TECRL: variants seen among roughly 807,000 people sequenced by gnomAD.
TECRL encodes trans-2,3-enoyl-CoA reductase-like.
Under a neutral mutation model 52.8 loss-of-function variants are expected in TECRL, and 63 were observed. The ratio of observed to expected loss-of-function variants is 1.19; its 90% CI spans 0.97 to 1.47. The LOEUF (loss-of-function observed/expected upper bound fraction) is 1.47, where lower values mean the gene tolerates loss of function less well. Ranked by LOEUF, TECRL falls within the 40% of genes most tolerant of loss-of-function variation. TECRL has a pLI of 0.00. For synonymous variants in TECRL, 164 were observed against 141.9 expected, an observed-to-expected ratio of 1.16 and a Z score of -1.10; for missense variants, 482 against 429.6, an observed-to-expected ratio of 1.12 and a Z score of -1.08.
downstream of TECRL, chr4:64,276,385 G>T (rs1352850849): frequency 1.3e-5 from 2 of 151,710 alleles, no homozygotes; most frequent in Non-Finnish European, 3.0e-5. Flanking sequence ...ATTAAAGACA[G>T]CATATTACTT....
Position 64,305,174 on chromosome 4 carries a change from G to A in TECRL, c.722C>T (p.Thr241Ile), listed in dbSNP as rs148333637. The change falls in exon 7 of 12, where the codon ACA becomes ATA. Residue 241 changes from threonine to isoleucine, a missense_variant. Physicochemically the swap from Thr to Ile is moderately conservative, Grantham distance 89 (BLOSUM62 -1). Transcript: ENST00000381210. ...IAYYINHPLY[T>I]PPSFGNRQIT... ...GAAGAAACCCTACATACATGGTGGT[G>A]TATATAGTGGATGATTAATGTAGTA... The A allele has an allele frequency of 4.6e-5, 74 of 1,611,856 alleles. No individual in the cohort carries two copies. In the African/African-American group the frequency reaches 8.9e-4, roughly 19 times the overall value.
chr4:64,367,428 C>G (rs1721675915), intron 2 of TECRL, among the ~76,000 whole-genome samples: 1 of 152,066 alleles, frequency 6.6e-6, no homozygotes, highest in Admixed American at 6.6e-5. Flanking sequence ...AATTTTAAAA[C>G]TAATGCAATC....
At chr4:64,379,567 C>A (rs948699299) in intron 1 of TECRL, among the ~76,000 whole-genome samples, 5 of 152,098 alleles carry the variant, frequency 3.3e-5, no homozygotes, top group Admixed American at 6.6e-5. Flanking sequence ...TGCTGTCACA[C>A]AGTAGAAGCT....
intron 2 of TECRL, among the ~76,000 whole-genome samples, chr4:64,364,247 A>G (rs974929681): frequency 2.0e-5 from 3 of 152,058 alleles, no homozygotes; most frequent in African/African-American, 7.2e-5. Context: ...CAGAATCTCT[A>G]GGCCACAACT....
At chr4:64,396,465 TC>T (rs1220526012) in intron 1 of TECRL, among the ~76,000 whole-genome samples, 4 of 152,326 alleles carry the variant, frequency 2.6e-5, no homozygotes, top group African/African-American at 9.6e-5. Context: ...GTTATATGTA[TC>T]TTTTCATGTC....
intron 2 of TECRL, among the ~76,000 whole-genome samples, chr4:64,363,762 G>T (rs1645076558): frequency 1.3e-5 from 2 of 152,250 alleles, no homozygotes; most frequent in Non-Finnish European, 2.9e-5. Context: ...AGAATATAAC[G>T]TACATTGATT....
chr4:64,350,080 T>C (rs11729727), intron 2 of TECRL, among the ~76,000 whole-genome samples: 92,513 of 151,594 alleles, frequency 0.61, 31,701 homozygotes, highest in Non-Finnish European at 0.76. Context: ...CATCTGTCTG[T>C]TGACAGAAGC....
chr4:64,306,430 T>A (rs1230313443), intron 6 of TECRL, among the ~76,000 whole-genome samples: 2 of 152,120 alleles, frequency 1.3e-5, no homozygotes, highest in Non-Finnish European at 2.9e-5. Context: ...TGACACCCCA[T>A]TAGGGTGTTG....
At chr4:64,335,380 C>A (rs1359438790) in intron 2 of TECRL, among the ~76,000 whole-genome samples, 1 of 152,188 alleles carries the variant, frequency 6.6e-6, no homozygotes, top group Admixed American at 6.5e-5. Context: ...TCTCCTATCA[C>A]CCCAAGAGGA....
At chr4:64,336,035 T>A (rs973832074) in intron 2 of TECRL, among the ~76,000 whole-genome samples, 2 of 152,096 alleles carry the variant, frequency 1.3e-5, no homozygotes, top group Non-Finnish European at 2.9e-5. Context: ...ATAAAATGAG[T>A]TAGGGAGGAT....
intron 8 of TECRL, among the ~76,000 whole-genome samples, chr4:64,294,297 A>G (rs1375047787): frequency 1.3e-5 from 2 of 151,930 alleles, no homozygotes; most frequent in African/African-American, 2.4e-5. Flanking sequence ...GGCAGGTGCA[A>G]TATCTTATAA....
downstream of TECRL, chr4:64,276,955 G>A (rs531245201): frequency 1.2e-5 from 13 of 1,050,758 alleles, no homozygotes; most frequent in Admixed American, 3.1e-4. Context: ...ATGTGTACAT[G>A]GCTGCTACAG....
intron 1 of TECRL, among the ~76,000 whole-genome samples, chr4:64,379,631 C>T (rs1199515979): frequency 1.3e-5 from 2 of 152,134 alleles, no homozygotes; most frequent in African/African-American, 4.8e-5. Context: ...CTCTTCATTC[C>T]TTCACTGTTG....
At chr4:64,281,844 T>C (rs1170078255) in intron 9 of TECRL, among the ~76,000 whole-genome samples, 1 of 151,842 alleles carries the variant, frequency 6.6e-6, no homozygotes, top group African/African-American at 2.4e-5. Flanking sequence ...ATCTTAAATA[T>C]ATATAAATTA....
intron 8 of TECRL, among the ~76,000 whole-genome samples, chr4:64,297,537 C>T (rs1283133402): frequency 6.6e-6 from 1 of 150,868 alleles, no homozygotes; most frequent in Non-Finnish European, 1.5e-5. Context: ...TTCTTCTGTA[C>T]AATATGGATT....
At chr4:64,317,808 T>C (rs1241864326) in intron 4 of TECRL, among the ~76,000 whole-genome samples, 1 of 152,158 alleles carries the variant, frequency 6.6e-6, no homozygotes, top group Non-Finnish European at 1.5e-5. Flanking sequence ...TTTAATGTCA[T>C]TGAGGAATTA....
At chr4:64,297,977 A>G (rs1178400487) in intron 8 of TECRL, among the ~76,000 whole-genome samples, 1 of 151,202 alleles carries the variant, frequency 6.6e-6, no homozygotes, top group Non-Finnish European at 1.5e-5. Context: ...CACAGTGGTC[A>G]TTCTATCTTA....
At chr4:64,284,428 G>T (rs777295961) in intron 9 of TECRL, among the ~76,000 whole-genome samples, 1 of 151,650 alleles carries the variant, frequency 6.6e-6, no homozygotes, top group Non-Finnish European at 1.5e-5. Flanking sequence ...TTCCATGGGA[G>T]AACCAATAGG....
chr4:64,277,430 T>A (rs1322648499), downstream of TECRL, among the ~76,000 whole-genome samples: 1 of 151,920 alleles, frequency 6.6e-6, no homozygotes, highest in Non-Finnish European at 1.5e-5. Context: ...TTAAATGATA[T>A]CATACAATTT....
Sources: gnomAD v4.1 joint callset for allele counts (sites outside exome capture counted in the v4.1 genomes callset) on GRCh38, gnomAD v4.1.1 for gene constraint, MANE v1.5 for transcripts, NCBI Gene and HGNC (gene_info 2026-07-23, HGNC 2026-07-21) for gene names.